RAI14: variants seen among roughly 807,000 people sequenced by gnomAD.
The protein encoded by RAI14 is ankycorbin.
A neutral mutation model predicts 115.4 loss-of-function variants in RAI14; 45 were observed. The ratio of observed to expected loss-of-function variants is 0.39; its 90% CI spans 0.31 to 0.50. The LOEUF (loss-of-function observed/expected upper bound fraction) is 0.50, where lower values mean the gene tolerates loss of function less well. RAI14 is among the 20% of genes least tolerant of loss of function. The pLI is 0.85. For missense variants in RAI14, 939 were observed against 1,131.2 expected, an observed-to-expected ratio of 0.83 and a Z score of 2.44; for synonymous variants, 371 against 415.4, an observed-to-expected ratio of 0.89 and a Z score of 1.30.
Position 34,799,493 on chromosome 5 carries a change from G to GACACACACACAC in RAI14, c.256+3502_256+3513dup, listed in dbSNP as rs780186006. ...TTGAAAAAAACAAAACACACACACA[G>GACACACACACAC]ACACACACACACACACACACACACA... is the stretch of plus-strand genomic sequence containing the variant. On this transcript the variant is annotated intron_variant, in intron 4 of 17. Coordinates refer to ENST00000265109, the MANE Select transcript of RAI14 (RefSeq NM_015577.3). Among the ~76,000 whole-genome samples the GACACACACACAC allele has an allele frequency of 2.1e-3, 263 of 124,080 alleles. 5 individuals are homozygous for GACACACACACAC. The highest frequency in any genetic ancestry group is 3.4e-3 in the Non-Finnish European group (198 of 57,810). 81.4% of individuals were successfully genotyped at this position (124,080 alleles called of 152,430 possible).
chr5:34,668,825 A>T (rs1226214391), intron 1 of RAI14, among the ~76,000 whole-genome samples: 1 of 151,966 alleles, frequency 6.6e-6, no homozygotes, highest in African/African-American at 2.4e-5. Context: ...GTATACAGCC[A>T]CTCAGCAATC....
At chr5:34,703,150 T>C (rs1315664186) in intron 2 of RAI14, among the ~76,000 whole-genome samples, 1 of 152,194 alleles carries the variant, frequency 6.6e-6, no homozygotes, top group African/African-American at 2.4e-5. Context: ...AGCTTAAAAC[T>C]ATGCAGCAAC....
At chr5:34,707,454 G>A (rs34985494) in intron 2 of RAI14, among the ~76,000 whole-genome samples, 29,446 of 152,128 alleles carry the variant, frequency 0.19, 3,525 homozygotes, top group Middle Eastern at 0.25. Flanking sequence ...GCGACAGAGC[G>A]AGACTCCGTC....
Position 34,823,703 on chromosome 5 carries a change from C to G in RAI14, c.1861C>G (p.Gln621Glu). The G allele has an allele frequency of 6.2e-7, 1 of 1,614,074 alleles. No homozygotes were observed. Residue 621 changes from glutamine to glutamate, a missense_variant, in exon 15 of 18, where the codon CAG becomes GAG. By Grantham distance (29) the Gln-to-Glu change is conservative (BLOSUM62 2). Coordinates refer to ENST00000265109, the MANE Select transcript of RAI14 (RefSeq NM_015577.3). The surrounding 1 kb of genome is among the most constrained non-coding windows in gnomAD (Gnocchi z 4.5). ...AGACACACTAAAAAGTCAGATGACA[C>G]AGGAAGCCAGTGATGAAGCTGAGGA... Reference protein sequence around the residue: ...LKDTLKSQMTQEASDEAEDMK... With the variant: ...LKDTLKSQMTEEASDEAEDMK...
intron 16 of RAI14, 75 bp downstream of exon 16, chr5:34,826,554 GC>G: frequency 6.6e-7 from 1 of 1,520,674 alleles, no homozygotes; most frequent in Non-Finnish European, 8.9e-7. Context: ...AGCTGCTAGG[GC>G]AAGTGGGCGT....
chr5:34,808,770 G>A, intron 7 of RAI14, 116 bp downstream of exon 7: 1 of 981,602 alleles, frequency 1.0e-6, no homozygotes, highest in Non-Finnish European at 1.5e-6. Flanking sequence ...TTTGGCATCA[G>A]GGGCTGATTT....
intron 12 of RAI14, among the ~76,000 whole-genome samples, chr5:34,817,207 G>A (rs187638647): frequency 1.4e-3 from 209 of 146,602 alleles, no homozygotes; most frequent in African/African-American, 5.1e-3. Context: ...AACCTGGGAG[G>A]CAGAGGTTGC....
intron 2 of RAI14, among the ~76,000 whole-genome samples, chr5:34,689,636 G>A (rs1251246257): frequency 6.6e-6 from 1 of 152,222 alleles, no homozygotes; most frequent in African/African-American, 2.4e-5. Context: ...TACTTGGGAG[G>A]CTGAGGCAGA....
chr5:34,756,197 T>C (rs188281278), intron 2 of RAI14, among the ~76,000 whole-genome samples: 136 of 152,320 alleles, frequency 8.9e-4, no homozygotes, highest in Admixed American at 8.8e-3. Context: ...AAAGACTTGT[T>C]GGGTTTCCTC....
intron 2 of RAI14, among the ~76,000 whole-genome samples, chr5:34,754,354 C>T (rs915277253): frequency 6.6e-6 from 1 of 152,030 alleles, no homozygotes; most frequent in African/African-American, 2.4e-5. Context: ...CCCTACTTGG[C>T]CTCTAGTTTT....
At chr5:34,721,518 A>C (rs1742752922) in intron 2 of RAI14, among the ~76,000 whole-genome samples, 1 of 152,104 alleles carries the variant, frequency 6.6e-6, no homozygotes, top group African/African-American at 2.4e-5. Flanking sequence ...AGGGAAAATC[A>C]TTAGCCAGGC....
intron 2 of RAI14, among the ~76,000 whole-genome samples, chr5:34,724,430 C>G (rs1162727515): frequency 6.6e-6 from 1 of 152,028 alleles, no homozygotes; most frequent in Non-Finnish European, 1.5e-5. Context: ...GGTATTTGGG[C>G]AAAACTAGAA....
Position 34,661,881 on chromosome 5 carries a change from G to A in RAI14, c.-49+5406G>A, listed in dbSNP as rs57748347. On this transcript the variant is annotated intron_variant, in intron 1 of 17. Transcript: ENST00000265109. ...TCTTGCTCTGTTCTGGAACTCCTGG[G>A]CTCAAGTGATCCTCCCACCTCAGCT... Among the ~76,000 whole-genome samples, 1,370 of 152,236 alleles carry A rather than the reference G, an allele frequency of 9.0e-3. 18 individuals are homozygous for A. Among genetic ancestry groups the A allele is most frequent in the African/African-American group, 0.031 (1,274 of 41,530 alleles).
At position 34,664,570 on chromosome 5, in the gene RAI14, T is replaced by G. The variant is rs139991869; in HGVS notation, c.-49+8095T>G. Among the ~76,000 whole-genome samples, 324 of 152,166 alleles carry G rather than the reference T, an allele frequency of 2.1e-3. 2 individuals are homozygous for G. Among genetic ancestry groups the G allele is most frequent in the Non-Finnish European group, 3.7e-4 (25 of 68,004 alleles). ...ATTTTAGGTATTGTTATCGATAAGA[T>G]ATTCTGTTTTCTTATGATCTAGATA... On this transcript the variant is annotated intron_variant, in intron 1 of 17. Transcript: ENST00000265109.
At chr5:34,824,559 T>A in intron 15 of RAI14, 68 bp downstream of exon 15, 2 of 1,264,716 alleles carry the variant, frequency 1.6e-6, no homozygotes, top group Non-Finnish European at 2.1e-6. Flanking sequence ...TTTACTATAT[T>A]AAATATTTCT....
At chr5:34,664,252 G>C (rs1318735065) in intron 1 of RAI14, among the ~76,000 whole-genome samples, 2 of 151,452 alleles carry the variant, frequency 1.3e-5, no homozygotes, top group Non-Finnish European at 2.9e-5. Flanking sequence ...CCCTTTGAGA[G>C]GCTGAGGAGG....
chr5:34,824,058 C>T lies in RAI14; in HGVS notation c.2216C>T (p.Thr739Met), dbSNP rs114512622. 3 of 1,614,090 alleles carry T rather than the reference C, an allele frequency of 1.9e-6. No individual in the cohort carries two copies. Among genetic ancestry groups the T allele is most frequent in the African/African-American group, 2.7e-5 (2 of 75,040 alleles). Residue 739 changes from threonine (T) to methionine (M), a missense_variant, in exon 15 of 18, where the codon ACG becomes ATG. Transcript: ENST00000265109. The stretch of plus-strand genomic sequence containing the variant: ...ACAGAACATTTGCAAGTGATAACCA[C>T]GCTGCGGACTGCAGCAAAAGAGATG... ...SITEHLQVIT[T>M]LRTAAKEMEE...
chr5:34,687,588 A>G, intron 2 of RAI14: 2 of 1,505,438 alleles, frequency 1.3e-6, no homozygotes, highest in South Asian at 2.7e-5. Flanking sequence ...GGGGTTGTAC[A>G]CGATAATATT....
At chr5:34,789,446 C>T (rs1752679438) in intron 3 of RAI14, among the ~76,000 whole-genome samples, 1 of 152,210 alleles carries the variant, frequency 6.6e-6, no homozygotes, top group South Asian at 2.1e-4. Context: ...GGGATGATCA[C>T]TTCCGTGAGA....
Sources: allele counts gnomAD v4.1 joint callset (sites outside exome capture counted in the v4.1 genomes callset), GRCh38; gene constraint gnomAD v4.1.1; non-coding constraint Gnocchi (gnomAD v3.1); transcripts MANE v1.5; gene names NCBI Gene and HGNC (gene_info 2026-07-23, HGNC 2026-07-21).